The following ABR variants were observed in gnomAD, a reference collection of about 807,000 sequenced individuals.
ABR encodes the protein ABR activator of RhoGEF and GTPase.
ABR carries 35 observed loss-of-function variants against 107.2 expected under a neutral mutation model. That is an observed-to-expected ratio of 0.33 (90% CI 0.25 to 0.43). The LOEUF (loss-of-function observed/expected upper bound fraction) is 0.43. ABR is among the 20% of genes least tolerant of loss of function. The pLI, the probability that ABR is intolerant of heterozygous loss-of-function variation, is 1.00. For synonymous variants in ABR, 498 were observed against 462.0 expected (o/e 1.08, Z -1.00); for missense variants, 815 against 1,115.2 (o/e 0.73, Z 3.83).
chr17:1,188,666 T>C (rs2042367501), upstream of ABR, among the ~76,000 whole-genome samples: 1 of 152,182 alleles, frequency 6.6e-6, no homozygotes, highest in Non-Finnish European at 1.5e-5. Context: ...CTGTTGTAAG[T>C]GCCAAGAGCG....
At chr17:1,160,719 C>A (rs1027890104) in intron 1 of ABR, among the ~76,000 whole-genome samples, 7 of 152,174 alleles carry the variant, frequency 4.6e-5, no homozygotes, top group African/African-American at 1.7e-4. Context: ...GCCAGGGCCA[C>A]CCCCGAGGAG....
chr17:1,113,651 G>A (rs540953227), intron 2 of ABR, among the ~76,000 whole-genome samples: 5 of 152,208 alleles, frequency 3.3e-5, no homozygotes, highest in South Asian at 2.1e-4. Context: ...GTGACTCCCC[G>A]TTGGCTGCGT....
intron 16 of ABR, among the ~76,000 whole-genome samples, chr17:1,024,226 GCGTCGTCGAGAAGAAC>G (rs2071985117): frequency 1.3e-5 from 2 of 152,238 alleles, no homozygotes; most frequent in Non-Finnish European, 2.9e-5. Flanking sequence ...ACGTTCAGTG[GCGTCGTCGAGAAGAAC>G]CGTCTTGCCT....
chr17:1,095,752 G>A (rs1017121046), intron 3 of ABR, among the ~76,000 whole-genome samples: 3 of 152,176 alleles, frequency 2.0e-5, no homozygotes, highest in Non-Finnish European at 4.4e-5. Context: ...TCACATAGCC[G>A]TTTGTCAGCT....
At position 1,004,842 on chromosome 17, in the gene ABR, G is replaced by A. The variant is rs1205792580; in HGVS notation, c.*1238C>T. On this transcript the variant is annotated 3_prime_UTR_variant, in exon 23 of 23. Coordinates refer to ENST00000302538, the MANE Select transcript of ABR (RefSeq NM_021962.5). Reference sequence around the variant, plus strand: ...CGGCACCACAATGGCTGGCCACCGTGGGCCTGTGCCTTTGCTTCCCAGGTC... The same window carrying A: ...CGGCACCACAATGGCTGGCCACCGTAGGCCTGTGCCTTTGCTTCCCAGGTC... 2.5e-6 allele frequency: 1 copy of A among 394,152 alleles called. No homozygotes were observed. The highest frequency in any genetic ancestry group is 2.1e-5 in the African/African-American group (1 of 48,580). The allele number at this position is 394,152 out of a possible 1,614,324, so 24.4% of individuals were successfully genotyped here. A position where few individuals can be genotyped will look rare whatever the true frequency, so the allele number is the denominator to read the frequency against.
Position 1,026,413 on chromosome 17 carries a change from C to T in ABR, c.1792-13249G>A, listed in dbSNP as rs141954859. ...GTGGATGTCACGGCTCTGGCTGTGC[C>T]GGTCATCGGTACCAGCCCCGGCTGG... On this transcript the variant is annotated intron_variant, in intron 16 of 22. Coordinates refer to ENST00000302538, the MANE Select transcript of ABR (RefSeq NM_021962.5). Among the ~76,000 whole-genome samples the T allele has an allele frequency of 1.5e-3, 224 of 152,334 alleles. 3 individuals are homozygous for T. In the East Asian group the frequency reaches 0.031, roughly 21 times the overall value.
intron 3 of ABR, among the ~76,000 whole-genome samples, chr17:1,097,176 A>G (rs2037520189): frequency 6.6e-6 from 1 of 152,136 alleles, no homozygotes; most frequent in African/African-American, 2.4e-5. Flanking sequence ...TGATGGGGAC[A>G]GGCGCCACTC....
intron 16 of ABR, among the ~76,000 whole-genome samples, chr17:1,030,262 C>T (rs1287355874): frequency 1.3e-5 from 2 of 152,246 alleles, no homozygotes; most frequent in Non-Finnish European, 2.9e-5. Context: ...CCAGGCACCT[C>T]CTCAAAGGGG....
rs2074025319 is a variant in ABR at position 1,070,161 on chromosome 17, G to A, written c.895-71C>T. On this transcript the variant is annotated intron_variant, in intron 8 of 22. Transcript: ENST00000302538. This position sits in a 1 kb window ranked among gnomAD's most constrained non-coding sequence, Gnocchi z 4.2. ...GCCGAGGGCAGAGCCTGCACACGGG[G>A]GCACGGCCAGCCAGGGAGGACTGGA... The A allele has an allele frequency of 2.5e-6, 4 of 1,589,770 alleles. No individual in the cohort carries two copies. The highest frequency in any genetic ancestry group is 2.2e-5 in the East Asian group (1 of 44,462).
chr17:1,183,728 C>T (rs895972862), upstream of ABR, among the ~76,000 whole-genome samples: 1 of 152,190 alleles, frequency 6.6e-6, no homozygotes, highest in African/African-American at 2.4e-5. Context: ...CCAGAGGTCA[C>T]CGCTGATGAC....
rs567714023 is a variant in ABR at position 1,150,050 on chromosome 17, C to T, written c.62-24683G>A. On this transcript the variant is annotated intron_variant, in intron 1 of 22. Coordinates refer to ENST00000302538, the MANE Select transcript of ABR (RefSeq NM_021962.5). The surrounding 1 kb of genome is among the most constrained non-coding windows in gnomAD (Gnocchi z 4.8). Reference sequence around the variant, plus strand: ...GTTATTGTCGTCACTGACGTTGTCACTGCTGTTGTCCCTGTTGTTATGATT... The same window carrying T: ...GTTATTGTCGTCACTGACGTTGTCATTGCTGTTGTCCCTGTTGTTATGATT... Among the ~76,000 whole-genome samples, 1 of 152,104 alleles carries T rather than the reference C, an allele frequency of 6.6e-6. No individual in the cohort carries two copies. The highest frequency in any genetic ancestry group is 1.5e-5 in the Non-Finnish European group (1 of 68,022).
chr17:1,179,707 C>G lies in ABR; in HGVS notation c.21G>C (p.Arg7=). 4.5e-6 allele frequency: 7 copies of G among 1,553,492 alleles called. No homozygotes were observed. Among genetic ancestry groups the G allele is most frequent in the East Asian group, 2.5e-5 (1 of 39,230 alleles). ...CGATCCAGGACAGGCGCGGCAGGCC[C>G]CGGTGGCTGAGCGGCTCCATCCCGC... is the stretch of plus-strand genomic sequence containing the variant. The part of the protein sequence containing the change: MEPLSH[R]GLPRLSWIDT... The change falls in exon 1 of 23, where the codon CGG becomes CGC. Residue 7 remains arginine (R), a synonymous_variant. Coordinates refer to ENST00000302538, the MANE Select transcript of ABR (RefSeq NM_021962.5). This position sits in a 1 kb window ranked among gnomAD's most constrained non-coding sequence, Gnocchi z 4.9.
intron 1 of ABR, among the ~76,000 whole-genome samples, chr17:1,204,885 TTTTC>T (rs1027654894): frequency 7.8e-6 from 1 of 127,412 alleles, no homozygotes; most frequent in Non-Finnish European, 1.6e-5. Context: ...TCTTTTTTTC[TTTTC>T]TTTTTCTTTT....
intron 1 of ABR, among the ~76,000 whole-genome samples, chr17:1,130,007 G>A (rs2039756212): frequency 6.6e-6 from 1 of 152,160 alleles, no homozygotes; most frequent in Non-Finnish European, 1.5e-5. Flanking sequence ...TCAGAGGGAT[G>A]GAAAGATGGA....
chr17:1,153,387 A>ATCCAGGCACACCTGCGGGAGGGCTGGGGG (rs1567833027), intron 1 of ABR, among the ~76,000 whole-genome samples: 63 of 103,658 alleles, frequency 6.1e-4, no homozygotes, highest in Middle Eastern at 6.5e-3. Flanking sequence ...AGGGCTGGGG[A>ATCCAGGCACACCTGCGGGAGGGCTGGGGG]TCCAGGCACA....
Position 1,003,960 on chromosome 17 carries a change from G to A in ABR, c.*2120C>T, listed in dbSNP as rs2069840507. ...GGCACCTGACCCTCCCCACTCTGGGGGTGGGATTTATAAATATGAGCCTTT... is the reference window on the plus strand; with the variant it reads ...GGCACCTGACCCTCCCCACTCTGGGAGTGGGATTTATAAATATGAGCCTTT... On this transcript the variant is annotated 3_prime_UTR_variant, in exon 23 of 23. Transcript: ENST00000302538. The A allele has an allele frequency of 6.6e-6, 1 of 152,310 alleles. No homozygotes were observed. The highest frequency in any genetic ancestry group is 2.4e-5 in the African/African-American group (1 of 41,468). 9.4% of individuals were successfully genotyped at this position (152,310 alleles called of 1,614,324 possible). A position where few individuals can be genotyped will look rare whatever the true frequency, so the allele number is the denominator to read the frequency against.
intron 1 of ABR, among the ~76,000 whole-genome samples, chr17:1,146,629 T>G (rs2151513256): frequency 3.1e-5 from 1 of 32,756 alleles, no homozygotes; most frequent in African/African-American, 1.4e-4. Context: ...CTGCCACCAC[T>G]GCCACATGCC....
At chr17:1,173,640 G>C (rs2041827482) in intron 1 of ABR, among the ~76,000 whole-genome samples, 1 of 152,134 alleles carries the variant, frequency 6.6e-6, no homozygotes, top group African/African-American at 2.4e-5. Flanking sequence ...CAGCTGACAG[G>C]TTTCAGCTAA....
intron 2 of ABR, among the ~76,000 whole-genome samples, chr17:1,113,439 A>T (rs543565239): frequency 6.6e-6 from 1 of 151,894 alleles, no homozygotes; most frequent in African/African-American, 2.4e-5. Flanking sequence ...GGAACCCGCC[A>T]CCAGGCCCGG....
Sources: gnomAD v4.1 joint callset for allele counts (sites outside exome capture counted in the v4.1 genomes callset) on GRCh38, gnomAD v4.1.1 for gene constraint, Gnocchi (gnomAD v3.1) non-coding constraint, MANE v1.5 for transcripts, NCBI Gene and HGNC (gene_info 2026-07-23, HGNC 2026-07-21) for gene names.